The following NEIL3 variants were observed in gnomAD, a reference collection of about 807,000 sequenced individuals.
NEIL3 encodes the protein nei like DNA glycosylase 3.
In NEIL3, 48 loss-of-function variants were observed where a neutral mutation model predicts 57.5. That is an observed-to-expected ratio of 0.83 (90% confidence interval 0.66 to 1.06). The LOEUF (loss-of-function observed/expected upper bound fraction) is 1.06, where lower values mean the gene tolerates loss of function less well. Ranked by LOEUF, NEIL3 falls within the 50% of genes least tolerant of loss-of-function variation. The pLI, the probability that NEIL3 is intolerant of heterozygous loss-of-function variation, is 0.00. For synonymous variants in NEIL3, 261 were observed against 253.2 expected, an observed-to-expected ratio of 1.03 and a Z score of -0.29; for missense variants, 717 against 739.1, an observed-to-expected ratio of 0.97 and a Z score of 0.35.
chr4:177,336,624 A>G (rs1440983421), intron 4 of NEIL3, among the ~76,000 whole-genome samples: 1 of 152,180 alleles, frequency 6.6e-6, no homozygotes. Flanking sequence ...TTTACTTATT[A>G]TACTGATTGT....
intron 3 of NEIL3, 89 bp downstream of exon 3, chr4:177,335,911 TAAAG>T (rs1198604052): frequency 2.3e-6 from 3 of 1,279,478 alleles, no homozygotes; most frequent in Middle Eastern, 2.7e-4. Flanking sequence ...AACAAATAAA[TAAAG>T]AGTTTGTAAT....
At chr4:177,317,431 A>G (rs988584966) in intron 1 of NEIL3, among the ~76,000 whole-genome samples, 26 of 151,972 alleles carry the variant, frequency 1.7e-4, no homozygotes, top group African/African-American at 5.3e-4. Flanking sequence ...GGGGCTTTGT[A>G]TTTTTGACTC....
intron 6 of NEIL3, among the ~76,000 whole-genome samples, chr4:177,348,917 G>A (rs997001377): frequency 1.5e-5 from 2 of 136,006 alleles, no homozygotes; most frequent in African/African-American, 5.6e-5. Flanking sequence ...ACCCAGGCTG[G>A]AGTGCAGTGG....
At chr4:177,329,655 T>C (rs1169793072) in intron 2 of NEIL3, among the ~76,000 whole-genome samples, 2 of 152,146 alleles carry the variant, frequency 1.3e-5, no homozygotes, top group Non-Finnish European at 2.9e-5. Context: ...CAGTAACTGA[T>C]AGAACAAGTG....
chr4:177,322,612 C>G (rs780219140), intron 2 of NEIL3, 32 bp downstream of exon 2: 1 of 1,612,624 alleles, frequency 6.2e-7, no homozygotes, highest in Non-Finnish European at 8.5e-7. Context: ...CATCTTATCT[C>G]TCTATATTTA....
intron 2 of NEIL3, among the ~76,000 whole-genome samples, chr4:177,327,638 C>T (rs966651960): frequency 5.3e-5 from 8 of 152,066 alleles, no homozygotes; most frequent in Admixed American, 5.2e-4. Context: ...ATTGCACTGG[C>T]CAGGACCCCC....
intron 1 of NEIL3, among the ~76,000 whole-genome samples, chr4:177,317,971 A>G (rs1734606781): frequency 6.6e-6 from 1 of 152,152 alleles, no homozygotes; most frequent in Non-Finnish European, 1.5e-5. Flanking sequence ...ATAACCTTTG[A>G]TGCCTTGAGG....
chr4:177,311,970 G>A (rs1734485944), intron 1 of NEIL3, among the ~76,000 whole-genome samples: 1 of 152,196 alleles, frequency 6.6e-6, no homozygotes, highest in Admixed American at 6.5e-5. Flanking sequence ...TTTTATGCTA[G>A]CTCCTGCGGA....
At chr4:177,348,858 A>AATTTTT in intron 6 of NEIL3, among the ~76,000 whole-genome samples, 1 of 73,714 alleles carries the variant, frequency 1.4e-5, no homozygotes, top group Non-Finnish European at 2.3e-5. Context: ...TGGCTCATGA[A>AATTTTT]TTTTTTTTTT....
the NEIL3 span, among the ~76,000 whole-genome samples, chr4:177,368,387 C>T: frequency 6.6e-6 from 1 of 152,052 alleles, no homozygotes; most frequent in African/African-American, 2.4e-5. Flanking sequence ...GCAAATTGGG[C>T]AAGGAAACGA....
At chr4:177,333,606 G>A (rs1734921624) in intron 2 of NEIL3, among the ~76,000 whole-genome samples, 1 of 152,168 alleles carries the variant, frequency 6.6e-6, no homozygotes, top group Admixed American at 6.5e-5. Flanking sequence ...AAGCTGTTAG[G>A]ATTCCTCTTC....
intron 1 of NEIL3, among the ~76,000 whole-genome samples, chr4:177,314,941 C>T (rs1327207809): frequency 3.6e-5 from 4 of 110,002 alleles, no homozygotes; most frequent in Non-Finnish European, 5.8e-5. Context: ...GCTTGGTGGA[C>T]GCCTGTAGTC....
At chr4:177,317,985 A>G (rs2111112855) in intron 1 of NEIL3, among the ~76,000 whole-genome samples, 2 of 152,336 alleles carry the variant, frequency 1.3e-5, no homozygotes, top group Admixed American at 1.3e-4. Context: ...CTTGAGGCAT[A>G]AATCCTGGAA....
chr4:177,327,810 C>G (rs1472634556), intron 2 of NEIL3, among the ~76,000 whole-genome samples: 1 of 151,644 alleles, frequency 6.6e-6, no homozygotes, highest in Admixed American at 6.6e-5. Flanking sequence ...ATCATATTGC[C>G]TTTCTTACTT....
intron 7 of NEIL3, 22 bp from the exon 8 acceptor site, chr4:177,353,285 GA>G: frequency 6.3e-7 from 1 of 1,584,360 alleles, no homozygotes; most frequent in Non-Finnish European, 8.6e-7. Context: ...GACTATTGCA[GA>G]ATTACTTCTC....
rs1040858180 is a variant in NEIL3 at position 177,351,243 on chromosome 4, C to CTT, written c.870-136_870-135insTT. On this transcript the variant is annotated intron_variant, in intron 6 of 9. Coordinates refer to ENST00000264596, the MANE Select transcript of NEIL3 (RefSeq NM_018248.3). ...AAAAAAAAAAAAAAAAAAAAAGACTCTAAGATACAGTACTAACTTCCAAGC... is the reference window on the plus strand; with the variant it reads ...AAAAAAAAAAAAAAAAAAAAAGACTCTTTAAGATACAGTACTAACTTCCAAGC... 17 of 193,476 alleles carry CTT rather than the reference C, an allele frequency of 8.8e-5. No homozygotes were observed. In the South Asian group the frequency reaches 1.2e-3, roughly 14 times the overall value. 12.0% of individuals were successfully genotyped at this position (193,476 alleles called of 1,614,324 possible).
rs769875039 is a variant in NEIL3 at position 177,339,810 on chromosome 4, C to T, written c.655C>T (p.His219Tyr). The T allele has an allele frequency of 5.0e-6, 8 of 1,613,698 alleles. No homozygotes were observed. The highest frequency in any genetic ancestry group is 1.1e-5 in the South Asian group (1 of 91,062). ...TTGTCAATTAACAGATGAACAGATC[C>T]ATCACCTCATGAAAATGATACGTGA... ...KVCQLTDEQI[H>Y]HLMKMIRDFS... is the part of the protein sequence containing the mutation. The change falls in exon 5 of 10, where the codon CAT becomes TAT. Residue 219 changes from histidine (H) to tyrosine (Y), a missense_variant. Coordinates refer to ENST00000264596, the MANE Select transcript of NEIL3 (RefSeq NM_018248.3).
At chr4:177,357,960 A>G (rs1350834669) in intron 8 of NEIL3, among the ~76,000 whole-genome samples, 2 of 152,222 alleles carry the variant, frequency 1.3e-5, no homozygotes, top group East Asian at 3.8e-4. Context: ...AGTTTTTATA[A>G]AACAAAGAGG....
At chr4:177,314,551 C>A (rs1734537404) in intron 1 of NEIL3, among the ~76,000 whole-genome samples, 1 of 152,148 alleles carries the variant, frequency 6.6e-6, no homozygotes, top group Non-Finnish European at 1.5e-5. Context: ...TCACCAGACC[C>A]ATTTATCTGA....
Sources: gnomAD v4.1 joint callset for allele counts (sites outside exome capture counted in the v4.1 genomes callset) on GRCh38, gnomAD v4.1.1 for gene constraint, MANE v1.5 for transcripts, NCBI Gene and HGNC (gene_info 2026-07-23, HGNC 2026-07-21) for gene names.